The following ATP1A4 variants were observed in gnomAD, a reference collection of about 807,000 sequenced individuals.
ATP1A4 encodes ATPase Na+/K+ transporting subunit alpha 4.
Under a neutral mutation model 114.3 loss-of-function variants are expected in ATP1A4, and 90 were observed. The observed-to-expected ratio is 0.79, with a 90% CI of 0.66 to 0.94. ATP1A4 has a LOEUF of 0.94. ATP1A4 is among the 40% of genes least tolerant of loss of function. ATP1A4 has a pLI of 0.00. For missense variants in ATP1A4, 1,222 were observed against 1,313.6 expected (o/e 0.93, Z 1.08); for synonymous variants, 511 against 494.1 (o/e 1.03, Z -0.45).
At chr1:160,158,838 T>A (rs1332778532) in intron 4 of ATP1A4, among the ~76,000 whole-genome samples, 164 bp from the exon 5 acceptor site, 1 of 151,584 alleles carries the variant, frequency 6.6e-6, no homozygotes, top group Non-Finnish European at 1.5e-5. Context: ...AACAGCATCA[T>A]GGGAATTTGC....
intron 18 of ATP1A4, among the ~76,000 whole-genome samples, chr1:160,180,667 C>G (rs1395741092): frequency 6.8e-6 from 1 of 146,910 alleles, no homozygotes; most frequent in Admixed American, 6.8e-5. Context: ...TCTTTCTGAC[C>G]TATATCCCCT....
chr1:160,176,219 C>A lies in ATP1A4; in HGVS notation c.2439C>A (p.Ile813=), dbSNP rs200599996. The A allele has an allele frequency of 2.0e-5, 32 of 1,614,120 alleles. No individual in the cohort carries two copies. The highest frequency in any genetic ancestry group is 2.7e-5 in the Non-Finnish European group (32 of 1,180,016). Residue 813 remains isoleucine, a synonymous_variant, in exon 16 of 22, where the codon ATC becomes ATA. Transcript: ENST00000368081. ...CCCTGCCTCTGGGAACCATAACCAT[C>A]CTCTGCATTGATCTCGGCACTGACA... is the stretch of plus-strand genomic sequence containing the variant. ...GIPLPLGTIT[I]LCIDLGTDMV...
chr1:160,164,227 G>T lies in ATP1A4; in HGVS notation c.850G>T (p.Gly284Cys). ...VMGRIASLTS[G>C]LAVGQTPIAA... Reference sequence around the variant, plus strand: ...GGGCAGAATTGCCTCCCTGACGTCAGGCCTGGCGGTTGGCCAGACACCTAT... The same window carrying T: ...GGGCAGAATTGCCTCCCTGACGTCATGCCTGGCGGTTGGCCAGACACCTAT... Residue 284 changes from glycine to cysteine, a missense_variant, in exon 7 of 22, where the codon GGC becomes TGC. Gly to Cys is a radical substitution (Grantham distance 159). Coordinates refer to ENST00000368081, the MANE Select transcript of ATP1A4 (RefSeq NM_144699.4). The T allele has an allele frequency of 6.2e-7, 1 of 1,614,224 alleles. No homozygotes were observed. The highest frequency in any genetic ancestry group is 8.5e-7 in the Non-Finnish European group (1 of 1,180,034).
intron 20 of ATP1A4, among the ~76,000 whole-genome samples, chr1:160,183,697 CT>C (rs1653785476): frequency 6.6e-6 from 1 of 152,190 alleles, no homozygotes; most frequent in Non-Finnish European, 1.5e-5. Flanking sequence ...CCATATACAA[CT>C]ATTGTGCTTT....
intron 20 of ATP1A4, chr1:160,182,646 A>T (rs550731203): frequency 4.6e-5 from 7 of 152,958 alleles, no homozygotes; most frequent in African/African-American, 1.7e-4. Context: ...TTTAGTATGT[A>T]TTCTTCCAAC....
chr1:160,168,659 CAGGCGTGAGCCACCATGCCTGGCCTCT>C (rs1653129092), intron 10 of ATP1A4, among the ~76,000 whole-genome samples: 1 of 152,194 alleles, frequency 6.6e-6, no homozygotes, highest in African/African-American at 2.4e-5. Context: ...GCTAGGATTA[CAGGCGTGAGCCACCATGCCTGGCCTCT>C]ATATAAATTT....
rs1168675316 is a variant in ATP1A4 at position 160,151,989 on chromosome 1, T to G, written c.-52T>G. 1 of 1,577,852 alleles carries G rather than the reference T, an allele frequency of 6.3e-7. No individual in the cohort carries two copies. Among genetic ancestry groups the G allele is most frequent in the African/African-American group, 1.4e-5 (1 of 73,460 alleles). On this transcript the variant is annotated 5_prime_UTR_variant, in exon 1 of 22. Coordinates refer to ENST00000368081, the MANE Select transcript of ATP1A4 (RefSeq NM_144699.4). ...CTCTTCCCTTCCCCTTGCCTCACTC[T>G]CTCAGCTTTCTTCCCACAGTTGAGC...
At chr1:160,171,846 C>A in intron 12 of ATP1A4, 89 bp downstream of exon 12, 1 of 1,280,406 alleles carries the variant, frequency 7.8e-7, no homozygotes, top group East Asian at 2.4e-5. Flanking sequence ...TGCTTAATAC[C>A]CTTAGTTTAA....
rs35692428 is a variant in ATP1A4, at chr1:160,183,953, CT to C, written c.2969+1939del. ...AATGTAAAATATCTTATTGATAATGCTTTTTTTTTTTTTTTTTGAGATGGAG... is the reference window on the plus strand; with the variant it reads ...AATGTAAAATATCTTATTGATAATGCTTTTTTTTTTTTTTTTGAGATGGAG... On this transcript the variant is annotated intron_variant, in intron 20 of 21. Transcript: ENST00000368081. Among the ~76,000 whole-genome samples the C allele has an allele frequency of 1.5e-3, 199 of 129,132 alleles. 1 individual carries two copies. The highest frequency in any genetic ancestry group is 2.0e-3 in the South Asian group (8 of 4,008). 84.7% of individuals were successfully genotyped at this position (129,132 alleles called of 152,430 possible).
intron 19 of ATP1A4, 50 bp from the exon 20 acceptor site, chr1:160,181,880 C>T (rs376257838): frequency 1.6e-5 from 26 of 1,613,756 alleles, no homozygotes; most frequent in Admixed American, 6.7e-5. Context: ...GCCATTTCCC[C>T]CTGCCTTTTC....
At position 160,174,225 on chromosome 1, in the gene ATP1A4, G is replaced by A. The variant is rs1460055835; in HGVS notation, c.2106G>A (p.Gln702=). The change falls in exon 14 of 22, where the codon CAG becomes CAA. Residue 702 remains glutamine (Q), a synonymous_variant. Transcript: ENST00000368081. ...TCGTGTTTGCTCGGACCTCCCCTCA[G>A]CAGAAGCTCATCATTGTCGAGGGAT... The part of the protein sequence containing the change: ...PEIVFARTSP[Q]QKLIIVEGCQ... The A allele has an allele frequency of 1.9e-6, 3 of 1,614,100 alleles. No individual in the cohort carries two copies. Among genetic ancestry groups the A allele is most frequent in the Admixed American group, 1.7e-5 (1 of 60,014 alleles).
Position 160,173,683 on chromosome 1 carries a change from C to A in ATP1A4, c.1957C>A (p.Arg653=), listed in dbSNP as rs144511687. 6.2e-7 allele frequency: 1 copy of A among 1,614,094 alleles called. No homozygotes were observed. Among genetic ancestry groups the A allele is most frequent in the Non-Finnish European group, 8.5e-7 (1 of 1,180,012 alleles). ...GTETAEEVAA[R]LKIPISKVDA... ...TGAGACGGCAGAGGAAGTCGCTGCCCGGCTTAAGATCCCTATCAGCAAGGT... is the reference window on the plus strand; with the variant it reads ...TGAGACGGCAGAGGAAGTCGCTGCCAGGCTTAAGATCCCTATCAGCAAGGT... The change falls in exon 13 of 22, where the codon CGG becomes AGG. Residue 653 remains arginine (R), a synonymous_variant. Coordinates refer to ENST00000368081, the MANE Select transcript of ATP1A4 (RefSeq NM_144699.4).
At chr1:160,154,901 T>G in intron 2 of ATP1A4, 144 bp from the exon 3 acceptor site, 2 of 729,018 alleles carry the variant, frequency 2.7e-6, no homozygotes, top group Non-Finnish European at 4.6e-6. Flanking sequence ...CCTCACCTTA[T>G]CCAGGAAGAA....
Position 160,164,954 on chromosome 1 carries a change from A to T in ATP1A4, c.1047+530A>T, listed in dbSNP as rs538911617. 9.4e-4 allele frequency among the ~76,000 whole-genome samples: 143 copies of T among 152,348 alleles called. No individual in the cohort carries two copies. The Middle Eastern group carries it at 0.01, about 11-fold the overall frequency. On this transcript the variant is annotated intron_variant, in intron 7 of 21. Transcript: ENST00000368081. ...TTCACTGTGTTAAGCAGAACTATAA[A>T]TCCCTGTTTGTCCTAAGTTTCCCAG...
At chr1:160,180,750 T>C (rs1571035933) in intron 18 of ATP1A4, among the ~76,000 whole-genome samples, 1 of 119,162 alleles carries the variant, frequency 8.4e-6, no homozygotes, top group Non-Finnish European at 1.6e-5. Context: ...AGTCTCGCTC[T>C]GTCGCCCAGG....
At chr1:160,152,533 G>T (rs530731484) in intron 1 of ATP1A4, among the ~76,000 whole-genome samples, 1 of 152,152 alleles carries the variant, frequency 6.6e-6, no homozygotes, top group Non-Finnish European at 1.5e-5. Context: ...ATGTTCTCAT[G>T]ATGAGGTGAT....
At chr1:160,166,500 G>T in intron 7 of ATP1A4, 28 bp from the exon 8 acceptor site, 1 of 1,612,994 alleles carries the variant, frequency 6.2e-7, no homozygotes, top group East Asian at 2.2e-5. Context: ...TCTCCCATGT[G>T]TATTCTCTCC....
At chr1:160,171,193 TGCCCCTGA>T in intron 10 of ATP1A4, 50 bp from the exon 11 acceptor site, 7 of 1,466,226 alleles carry the variant, frequency 4.8e-6, no homozygotes, top group Admixed American at 4.2e-5. Context: ...CCCTTCTTTT[TGCCCCTGA>T]TCCTTGGTCT....
intron 12 of ATP1A4, 131 bp downstream of exon 12, chr1:160,171,888 A>T (rs1653278569): frequency 1.1e-6 from 1 of 904,624 alleles, no homozygotes; most frequent in African/African-American, 1.7e-5. Flanking sequence ...TGGGCTTATG[A>T]TTTTTAATTA....
Sources: allele counts gnomAD v4.1 joint callset (sites outside exome capture counted in the v4.1 genomes callset), GRCh38; gene constraint gnomAD v4.1.1; transcripts MANE v1.5; gene names NCBI Gene and HGNC (gene_info 2026-07-23, HGNC 2026-07-21).